Variants in LRFN1 observed in about 807,000 individuals in gnomAD.
LRFN1 encodes leucine-rich repeat and fibronectin type III domain-containing protein 1.
In LRFN1, 20 loss-of-function variants were observed where a neutral mutation model predicts 31.8. That is an observed-to-expected ratio of 0.63 (90% CI 0.44 to 0.91). The LOEUF is 0.91. Ranked by LOEUF, LRFN1 falls within the 40% of genes least tolerant of loss-of-function variation. LRFN1 has a pLI of 0.00. For missense variants in LRFN1, 912 were observed against 1,129.8 expected, an observed-to-expected ratio of 0.81 and a Z score of 2.76; for synonymous variants, 514 against 541.3, an observed-to-expected ratio of 0.95 and a Z score of 0.70.
chr19:39,308,389 A>G lies in LRFN1; in HGVS notation c.1560T>C (p.Asp520=). Residue 520 remains aspartate, a synonymous_variant, in exon 5 of 5, where the codon GAT becomes GAC. Transcript: ENST00000248668. The surrounding 1 kb of genome is among the most constrained non-coding windows in gnomAD (Gnocchi z 6.2). ...CCCTCAGCGGGCGGCAGGGCGCCGG[A>G]TCCCCAGCGGTGGTGAACTGTACAC... ...VGCVQFTTAG[D]PAPCRPLRAH... The G allele has an allele frequency of 6.2e-7, 1 of 1,611,718 alleles. No individual in the cohort carries two copies. The highest frequency in any genetic ancestry group is 1.1e-5 in the South Asian group (1 of 90,942).
intron 4 of LRFN1, among the ~76,000 whole-genome samples, chr19:39,310,348 T>C (rs1459288500): frequency 6.6e-6 from 1 of 152,236 alleles, no homozygotes; most frequent in African/African-American, 2.4e-5. Context: ...GTGTGAGGAA[T>C]GAATGAGTTA....
chr19:39,313,305 C>T (rs977507457), intron 4 of LRFN1, among the ~76,000 whole-genome samples: 8 of 152,026 alleles, frequency 5.3e-5, no homozygotes, highest in East Asian at 1.9e-4. Context: ...CCAAGGCAGG[C>T]GGATCACTTG....
At position 39,307,566 on chromosome 19, in the gene LRFN1, GCCCCAGCGTCCGTGC is replaced by G. The variant is rs1482433045; in HGVS notation, c.*52_*66del. 5 of 1,329,284 alleles carry G rather than the reference GCCCCAGCGTCCGTGC, an allele frequency of 3.8e-6. No individual in the cohort carries two copies. The highest frequency in any genetic ancestry group is 3.8e-6 in the Non-Finnish European group (4 of 1,039,194). 82.3% of individuals were successfully genotyped at this position (1,329,284 alleles called of 1,614,324 possible). A position where few individuals can be genotyped will look rare whatever the true frequency, so the allele number is the denominator to read the frequency against. On this transcript the variant is annotated 3_prime_UTR_variant, in exon 5 of 5. Coordinates refer to ENST00000248668, the MANE Select transcript of LRFN1 (RefSeq NM_020862.2). The surrounding 1 kb of genome is among the most constrained non-coding windows in gnomAD (Gnocchi z 6.7). ...TGGCGCTGCGCTTTCTCCCAGTCCC[GCCCCAGCGTCCGTGC>G]GGCTGGGCGTTTGGTCTGCGGCACC...
chr19:39,315,100 G>C lies in LRFN1; in HGVS notation c.237C>G (p.Ala79=), dbSNP rs764514391. The C allele has an allele frequency of 3.8e-6, 6 of 1,594,222 alleles. No homozygotes were observed. The highest frequency in any genetic ancestry group is 5.1e-6 in the Non-Finnish European group (6 of 1,177,746). ...TGTTGGCGAAGTCTCGGCGGCGCACGGCGGCGATGAAGTTGTCGGTGAGCC... is the reference window on the plus strand; with the variant it reads ...TGTTGGCGAAGTCTCGGCGGCGCACCGCGGCGATGAAGTTGTCGGTGAGCC... The part of the protein sequence containing the change: ...ELRLTDNFIA[A]VRRRDFANMT... The change falls in exon 4 of 5, where the codon GCC becomes GCG. Residue 79 remains alanine (A), a synonymous_variant. Coordinates refer to ENST00000248668, the MANE Select transcript of LRFN1 (RefSeq NM_020862.2). The surrounding 1 kb of genome is among the most constrained non-coding windows in gnomAD (Gnocchi z 4.7).
chr19:39,319,270 C>T (rs762099189), intron 1 of LRFN1, among the ~76,000 whole-genome samples: 14 of 152,154 alleles, frequency 9.2e-5, no homozygotes, highest in Non-Finnish European at 1.8e-4. Context: ...AACAGATCTA[C>T]CTTGCACACT....
At chr19:39,309,478 C>CAAAAAAAAA (rs71169583) in intron 4 of LRFN1, among the ~76,000 whole-genome samples, 409 of 31,996 alleles carry the variant, frequency 0.013, 84 homozygotes, top group African/African-American at 0.057. Context: ...ACAAACAAAC[C>CAAAAAAAAA]AAAAAAAAAA....
rs1286953969 is a variant in LRFN1, at chr19:39,314,562, C to T, written c.775G>A (p.Glu259Lys). 1 of 1,610,074 alleles carries T rather than the reference C, an allele frequency of 6.2e-7. No individual in the cohort carries two copies. The highest frequency in any genetic ancestry group is 8.5e-7 in the Non-Finnish European group (1 of 1,178,640). ...FGGNPLHCNC[E>K]LLWLRRLTRE... ...GTCAGCCGCCGCAGCCAGAGCAGCT[C>T]GCAGTTGCAGTGCAGGGGGTTGCCG... The change falls in exon 4 of 5, where the codon GAG becomes AAG. Residue 259 changes from glutamate to lysine, a missense_variant. Coordinates refer to ENST00000248668, the MANE Select transcript of LRFN1 (RefSeq NM_020862.2).
chr19:39,317,569 T>C, intron 2 of LRFN1, among the ~76,000 whole-genome samples: 1 of 152,042 alleles, frequency 6.6e-6, no homozygotes, highest in Non-Finnish European at 1.5e-5. Context: ...AGCTAACATT[T>C]ATGGAGAGTG....
At chr19:39,312,808 AAAAAG>A (rs1402797809) in intron 4 of LRFN1, among the ~76,000 whole-genome samples, 4 of 151,914 alleles carry the variant, frequency 2.6e-5, no homozygotes, top group African/African-American at 9.7e-5. Flanking sequence ...GCCAAAAAAA[AAAAAG>A]AAAAAGAAAA....
chr19:39,315,520 A>T lies in LRFN1; in HGVS notation c.-37-147T>A, dbSNP rs2075169395. The T allele has an allele frequency of 1.8e-6, 1 of 554,060 alleles. No homozygotes were observed. The highest frequency in any genetic ancestry group is 3.1e-6 in the Non-Finnish European group (1 of 321,004). 34.3% of individuals were successfully genotyped at this position (554,060 alleles called of 1,614,324 possible). Reference sequence around the variant, plus strand: ...GAAGCCACTATCAGCTATTAACAACAGATTACAACACTTCCATGCTGGGCA... The same window carrying T: ...GAAGCCACTATCAGCTATTAACAACTGATTACAACACTTCCATGCTGGGCA... On this transcript the variant is annotated intron_variant, in intron 3 of 4. Coordinates refer to ENST00000248668, the MANE Select transcript of LRFN1 (RefSeq NM_020862.2). The surrounding 1 kb of genome is among the most constrained non-coding windows in gnomAD (Gnocchi z 4.7).
chr19:39,314,516 G>C lies in LRFN1; in HGVS notation c.821C>G (p.Thr274Ser), dbSNP rs1244242924. The C allele has an allele frequency of 4.3e-6, 7 of 1,610,238 alleles. No homozygotes were observed. The African/African-American group carries it at 8.0e-5, about 18-fold the overall frequency. ...GGTGAGGTGTTCGGGCGTGGCGCAG[G>C]TCTCTAAGTCGTCCTCGCGGGTCAG... ...RRLTREDDLE[T>S]CATPEHLTDR... is the part of the protein sequence containing the mutation. The change falls in exon 4 of 5, where the codon ACC (threonine) becomes AGC (serine). Residue 274 changes from threonine to serine, a missense_variant. Around this residue, in one of 2 missense-constraint regions of LRFN1, gnomAD observed 401 missense variants for 572.7 expected, o/e 0.70. Transcript: ENST00000248668.
chr19:39,314,209 A>G lies in LRFN1; in HGVS notation c.1128T>C (p.Ala376=). The G allele has an allele frequency of 6.2e-7, 1 of 1,613,316 alleles. No homozygotes were observed. The highest frequency in any genetic ancestry group is 8.5e-7 in the Non-Finnish European group (1 of 1,179,686). ...GTFTCIASNA[A]GEATAPVEVC... ...CCTCCACGGGCGCCGTCGCTTCCCC[A>G]GCAGCATTGGAGGCGATACAAGTGA... Residue 376 remains alanine (A), a synonymous_variant, in exon 4 of 5, where the codon GCT becomes GCC. Transcript: ENST00000248668.
In LRFN1 at chr19:39,315,441, A is replaced by T; in HGVS notation, c.-37-68T>A. The T allele has an allele frequency of 9.2e-7, 1 of 1,086,902 alleles. No homozygotes were observed. Among genetic ancestry groups the T allele is most frequent in the Non-Finnish European group, 1.3e-6 (1 of 785,604 alleles). The allele number at this position is 1,086,902 out of a possible 1,614,324, so 67.3% of individuals were successfully genotyped here. Reference sequence around the variant, plus strand: ...GCCATGGGATGTCCTGCTACGAGTCAGGCCTGGATCCCTCCCCTACCGCCT... The same window carrying T: ...GCCATGGGATGTCCTGCTACGAGTCTGGCCTGGATCCCTCCCCTACCGCCT... On this transcript the variant is annotated intron_variant, in intron 3 of 4. Transcript: ENST00000248668. The surrounding 1 kb of genome is among the most constrained non-coding windows in gnomAD (Gnocchi z 4.7).
At chr19:39,317,671 T>A (rs1184651525) in intron 2 of LRFN1, among the ~76,000 whole-genome samples, 1 of 152,174 alleles carries the variant, frequency 6.6e-6, no homozygotes, top group Non-Finnish European at 1.5e-5. Context: ...TTCCCCTTTC[T>A]GTGCCTCGGT....
rs2075169820 is a variant in LRFN1 at position 39,315,629 on chromosome 19, G to A, written c.-37-256C>T. Reference sequence around the variant, plus strand: ...AGGTCAGGAGTTCAAGACCAGCCTGGCCAACATGGTGAAACCCCGTCTCTA... The same window carrying A: ...AGGTCAGGAGTTCAAGACCAGCCTGACCAACATGGTGAAACCCCGTCTCTA... On this transcript the variant is annotated intron_variant, in intron 3 of 4. Transcript: ENST00000248668. This position sits in a 1 kb window ranked among gnomAD's most constrained non-coding sequence, Gnocchi z 4.7. Among the ~76,000 whole-genome samples the A allele has an allele frequency of 6.6e-6, 1 of 152,064 alleles. No individual in the cohort carries two copies. The highest frequency in any genetic ancestry group is 1.5e-5 in the Non-Finnish European group (1 of 68,006).
intron 4 of LRFN1, among the ~76,000 whole-genome samples, chr19:39,313,621 G>A (rs2075158597): frequency 6.6e-6 from 1 of 152,230 alleles, no homozygotes. Flanking sequence ...CAATCAGATT[G>A]TTGTGGGGAG....
chr19:39,308,179 G>C lies in LRFN1; in HGVS notation c.1770C>G (p.Gly590=). ...SHVCSQTNGA[G]TGAAQAPALP... ...GGGCCGGGGCCTGTGCCGCGCCTGT[G>C]CCTGCGCCGTTGGTCTGCGAGCACA... The change falls in exon 5 of 5, where the codon GGC becomes GGG. Residue 590 remains glycine, a synonymous_variant. Transcript: ENST00000248668. The surrounding 1 kb of genome is among the most constrained non-coding windows in gnomAD (Gnocchi z 6.2). 1 of 1,589,128 alleles carries C rather than the reference G, an allele frequency of 6.3e-7. No individual in the cohort carries two copies. Among genetic ancestry groups the C allele is most frequent in the African/African-American group, 1.3e-5 (1 of 74,478 alleles).
rs2075137320 is a variant in LRFN1, at chr19:39,308,253, C to T, written c.1696G>A (p.Asp566Asn). 1 of 1,612,756 alleles carries T rather than the reference C, an allele frequency of 6.2e-7. No individual in the cohort carries two copies. Among genetic ancestry groups the T allele is most frequent in the East Asian group, 2.2e-5 (1 of 44,852 alleles). The change falls in exon 5 of 5, where the codon GAC (aspartate) becomes AAC (asparagine). Residue 566 changes from aspartate (D) to asparagine (N), a missense_variant. By Grantham distance (23) the Asp-to-Asn change is conservative. Around this residue, in one of 2 missense-constraint regions of LRFN1, gnomAD observed 511 missense variants for 557.0 expected, o/e 0.92. Transcript: ENST00000248668. This position sits in a 1 kb window ranked among gnomAD's most constrained non-coding sequence, Gnocchi z 6.2. ...MIRYKVYGDG[D>N]SRRVKGSRSL... is the part of the protein sequence containing the mutation. ...CTGGAGCCCTTGACGCGGCGGCTGT[C>T]CCCGTCGCCATACACCTTATAGCGG...
At chr19:39,309,126 G>T (rs1032739166) in intron 4 of LRFN1, among the ~76,000 whole-genome samples, 1 of 152,148 alleles carries the variant, frequency 6.6e-6, no homozygotes, top group Non-Finnish European at 1.5e-5. Context: ...GATGCAGGTC[G>T]CTCCCCCTTA....
Sources: allele counts gnomAD v4.1 joint callset (sites outside exome capture counted in the v4.1 genomes callset), GRCh38; gene constraint gnomAD v4.1.1; regional missense constraint gnomAD v4.1.1; non-coding constraint Gnocchi (gnomAD v3.1); transcripts MANE v1.5; gene names NCBI Gene and HGNC (gene_info 2026-07-23, HGNC 2026-07-21).